ADARB2: variants seen among roughly 807,000 people sequenced by gnomAD.
ADARB2 encodes the protein adenosine deaminase RNA specific B2 (inactive), also known as inactive double-stranded RNA-specific editase B2.
A neutral mutation model predicts 62.2 loss-of-function variants in ADARB2; 25 were observed. The observed-to-expected ratio is 0.40, with a 90% CI of 0.29 to 0.56. ADARB2 has a LOEUF of 0.56. Ranked by LOEUF, ADARB2 falls within the 20% of genes least tolerant of loss-of-function variation. The pLI is 0.43. For synonymous variants in ADARB2, 572 were observed against 500.8 expected (o/e 1.14, Z -1.90); for missense variants, 1,071 against 1,077.4 (o/e 0.99, Z 0.08).
intron 1 of ADARB2, among the ~76,000 whole-genome samples, chr10:1,673,312 T>G (rs1238343302): frequency 1.4e-5 from 1 of 72,224 alleles, no homozygotes; most frequent in Admixed American, 1.5e-4. Context: ...AGATTTCATT[T>G]TATGTGTGTG....
At chr10:1,641,504 G>A (rs1230542226) in intron 1 of ADARB2, among the ~76,000 whole-genome samples, 2 of 152,194 alleles carry the variant, frequency 1.3e-5, no homozygotes, top group Admixed American at 6.5e-5. Flanking sequence ...AGAAGCTACT[G>A]GGGTTTTAGC....
chr10:1,693,645 A>G (rs1406305116), intron 1 of ADARB2, among the ~76,000 whole-genome samples: 2 of 152,216 alleles, frequency 1.3e-5, no homozygotes, highest in East Asian at 1.9e-4. Context: ...ATTCTTTAAT[A>G]TATTTGACTC....
chr10:1,493,587 C>A (rs1022402780), intron 1 of ADARB2, among the ~76,000 whole-genome samples: 3 of 152,052 alleles, frequency 2.0e-5, no homozygotes, highest in African/African-American at 7.2e-5. Flanking sequence ...TTAATTAATT[C>A]TTTCCTTAAT....
At chr10:1,592,360 G>T (rs1017743107) in intron 1 of ADARB2, among the ~76,000 whole-genome samples, 1 of 127,754 alleles carries the variant, frequency 7.8e-6, no homozygotes, top group Non-Finnish European at 1.7e-5. Context: ...TCTCTGGCAT[G>T]GTCCCCTCTG....
chr10:1,400,821 T>C (rs2820590), intron 1 of ADARB2, among the ~76,000 whole-genome samples: 108,859 of 152,062 alleles, frequency 0.72, 39,350 homozygotes, highest in East Asian at 0.99. Context: ...TTTAATTTGC[T>C]TGAGTGGGAG....
chr10:1,501,577 T>G (rs1831768971), intron 1 of ADARB2, among the ~76,000 whole-genome samples: 1 of 152,224 alleles, frequency 6.6e-6, no homozygotes, highest in African/African-American at 2.4e-5. Context: ...CCATTATCTT[T>G]AATTCAATTA....
intron 1 of ADARB2, among the ~76,000 whole-genome samples, chr10:1,464,172 G>A (rs558300355): frequency 1.6e-4 from 23 of 147,868 alleles, no homozygotes; most frequent in African/African-American, 4.7e-4. Flanking sequence ...AGTCACAGCG[G>A]GCAGTGCGCC....
intron 1 of ADARB2, among the ~76,000 whole-genome samples, chr10:1,721,187 G>A (rs972364622): frequency 2.6e-5 from 4 of 152,296 alleles, no homozygotes; most frequent in African/African-American, 9.6e-5. Flanking sequence ...GGCCCCAGCA[G>A]AGAAGTTAAT....
chr10:1,621,033 T>C (rs1833697851), intron 1 of ADARB2, among the ~76,000 whole-genome samples: 1 of 152,222 alleles, frequency 6.6e-6, no homozygotes, highest in Admixed American at 6.5e-5. Flanking sequence ...AGTGCTTTCC[T>C]GTAGATCAGG....
At chr10:1,370,153 C>G (rs1832355305) in intron 2 of ADARB2, among the ~76,000 whole-genome samples, 1 of 152,176 alleles carries the variant, frequency 6.6e-6, no homozygotes, top group Admixed American at 6.5e-5. Context: ...TCCGCATCTA[C>G]AAATCCATAA....
At chr10:1,403,315 C>T (rs757140558) in intron 1 of ADARB2, among the ~76,000 whole-genome samples, 2 of 152,164 alleles carry the variant, frequency 1.3e-5, no homozygotes, top group Non-Finnish European at 2.9e-5. Flanking sequence ...CTTGGAGTCC[C>T]CCATGTGTAA....
In ADARB2 at chr10:1,183,297, A is replaced by G. The variant is rs1257608431; in HGVS notation, c.2116T>C (p.Tyr706His). The G allele has an allele frequency of 1.2e-6, 2 of 1,614,170 alleles. No homozygotes were observed. The highest frequency in any genetic ancestry group is 2.2e-5 in the South Asian group (2 of 91,082). Residue 706 changes from tyrosine (Y) to histidine (H), a missense_variant, in exon 10 of 10, where the codon TAC becomes CAC. Tyr to His is a moderately conservative substitution (Grantham distance 83). Transcript: ENST00000381312. ...AACAGCTGCTGTTTCACAGACTGGT[A>G]GGTGTGCGCCCCCAGCTTGGCCTCA... The part of the protein sequence containing the change: ...YCEAKLGAHT[Y>H]QSVKQQLFKA...
At chr10:1,422,483 G>A (rs940058062) in intron 1 of ADARB2, among the ~76,000 whole-genome samples, 1 of 152,172 alleles carries the variant, frequency 6.6e-6, no homozygotes, top group African/African-American at 2.4e-5. Flanking sequence ...CAGAGGGGAA[G>A]GCACAGTGAG....
In ADARB2 at chr10:1,558,660, GCA is replaced by G. The variant is rs1564330178; in HGVS notation, c.100+178389_100+178390del. On this transcript the variant is annotated intron_variant, in intron 1 of 9. Coordinates refer to ENST00000381312, the MANE Select transcript of ADARB2 (RefSeq NM_018702.4). ...CTCTGCCCCCCTCCGTGGGTGCTCA[GCA>G]CCCCCATGCCCCATCTAAATCCACA... is the stretch of plus-strand genomic sequence containing the variant. 3.9e-4 allele frequency among the ~76,000 whole-genome samples: 48 copies of G among 123,368 alleles called. 9 individuals are homozygous for G. The highest frequency in any genetic ancestry group is 7.1e-4 in the African/African-American group (23 of 32,534). The allele number at this position is 123,368 out of a possible 152,430, so 80.9% of individuals were successfully genotyped here. A position where few individuals can be genotyped will look rare whatever the true frequency, so the allele number is the denominator to read the frequency against.
chr10:1,194,247 T>C (rs987308536), intron 8 of ADARB2, among the ~76,000 whole-genome samples: 4 of 152,236 alleles, frequency 2.6e-5, no homozygotes, highest in Non-Finnish European at 5.9e-5. Flanking sequence ...GAGCAGGTTA[T>C]GCTCTGCAAC....
At chr10:1,565,748 A>G (rs1832852048) in intron 1 of ADARB2, among the ~76,000 whole-genome samples, 1 of 152,170 alleles carries the variant, frequency 6.6e-6, no homozygotes, top group Non-Finnish European at 1.5e-5. Flanking sequence ...TGCCAAAGAC[A>G]CTTATTTCAT....
intron 3 of ADARB2, among the ~76,000 whole-genome samples, chr10:1,360,088 T>C (rs1478446009): frequency 6.6e-6 from 1 of 152,246 alleles, no homozygotes; most frequent in Non-Finnish European, 1.5e-5. Flanking sequence ...CGTGGTTTTG[T>C]GGTCCTGCAC....
intron 1 of ADARB2, among the ~76,000 whole-genome samples, chr10:1,506,427 T>G (rs184966779): frequency 2.1e-4 from 32 of 152,286 alleles, no homozygotes; most frequent in Admixed American, 1.2e-3. Context: ...ACTACGGTAT[T>G]TGCATATTTG....
At chr10:1,381,535 G>A (rs997627674) in intron 1 of ADARB2, among the ~76,000 whole-genome samples, 1 of 152,222 alleles carries the variant, frequency 6.6e-6, no homozygotes, top group Non-Finnish European at 1.5e-5. Flanking sequence ...GGAGAGATCT[G>A]CATCCTCATA....
Sources: allele counts gnomAD v4.1 joint callset (sites outside exome capture counted in the v4.1 genomes callset), GRCh38; gene constraint gnomAD v4.1.1; transcripts MANE v1.5; gene names NCBI Gene and HGNC (gene_info 2026-07-23, HGNC 2026-07-21).